The following HDAC3 variants were observed in gnomAD, a reference collection of about 807,000 sequenced individuals.
The protein encoded by HDAC3 is SMAP45.
A neutral mutation model predicts 62.3 loss-of-function variants in HDAC3; 21 were observed. The observed-to-expected ratio is 0.34, with a 90% confidence interval of 0.24 to 0.49. The LOEUF (loss-of-function observed/expected upper bound fraction) is 0.49. Among genes scored for constraint, HDAC3 ranks in the 20% least tolerant of loss-of-function variants. The pLI is 0.99. For missense variants in HDAC3, 270 were observed against 556.9 expected (o/e 0.48, Z 5.19); for synonymous variants, 198 against 206.5 (o/e 0.96, Z 0.35).
intron 3 of HDAC3, among the ~76,000 whole-genome samples, chr5:141,632,955 G>A (rs968529898): frequency 6.6e-6 from 1 of 152,158 alleles, no homozygotes; most frequent in Admixed American, 6.5e-5. Context: ...TTAAAAACCC[G>A]GGATCTGGAT....
chr5:141,630,737 A>G (rs1462097512), intron 3 of HDAC3, among the ~76,000 whole-genome samples: 2 of 152,216 alleles, frequency 1.3e-5, no homozygotes, highest in Non-Finnish European at 2.9e-5. Context: ...GGTAAAATAC[A>G]AGGACAGACA....
chr5:141,627,508 T>C (rs1243155360), intron 10 of HDAC3, among the ~76,000 whole-genome samples: 1 of 152,236 alleles, frequency 6.6e-6, no homozygotes, highest in Non-Finnish European at 1.5e-5. Context: ...TCCGAAACCA[T>C]GCTATCTCAA....
At position 141,636,644 on chromosome 5, in the gene HDAC3, G is replaced by A. The variant is rs1346314088; in HGVS notation, c.56-14C>T. ...GGTGTCCAGCTCCTGGGGGTGGGGA[G>A]AAGAGAGTTCGTCAGCTCTCACCCC... On this transcript the variant is annotated splice_polypyrimidine_tract_variant and intron_variant, in intron 1 of 14. Transcript: ENST00000305264. 1.2e-6 allele frequency: 2 copies of A among 1,613,886 alleles called. No individual in the cohort carries two copies. Among genetic ancestry groups the A allele is most frequent in the Admixed American group, 1.7e-5 (1 of 60,006 alleles).
rs752857449 is a variant in HDAC3 at position 141,636,823 on chromosome 5, C to T, written c.-33G>A. 2 of 1,479,576 alleles carry T rather than the reference C, an allele frequency of 1.4e-6. No individual in the cohort carries two copies. Among genetic ancestry groups the T allele is most frequent in the South Asian group, 2.9e-5 (2 of 69,310 alleles). The allele number at this position is 1,479,576 out of a possible 1,614,324, so 91.7% of individuals were successfully genotyped here. On this transcript the variant is annotated 5_prime_UTR_variant, in exon 1 of 15. Transcript: ENST00000305264. The stretch of plus-strand genomic sequence containing the variant: ...GCGGGAGCAGGCCCCGCACCTCCGC[C>T]GCCCGCCGCCCGCGGCCGCCGCCAG...
At position 141,625,110 on chromosome 5, in the gene HDAC3, C is replaced by A; in HGVS notation, c.1217+98G>T. The A allele has an allele frequency of 9.0e-7, 1 of 1,105,072 alleles. No homozygotes were observed. The highest frequency in any genetic ancestry group is 2.5e-5 in the East Asian group (1 of 39,674). 68.5% of individuals were successfully genotyped at this position (1,105,072 alleles called of 1,614,324 possible). A position where few individuals can be genotyped will look rare whatever the true frequency, so the allele number is the denominator to read the frequency against. ...ATTGTAGCAGACTAAAGGAGGTAAGCCAGAGGCAATTAAACTAATACCTTC... is the reference window on the plus strand; with the variant it reads ...ATTGTAGCAGACTAAAGGAGGTAAGACAGAGGCAATTAAACTAATACCTTC... On this transcript the variant is annotated intron_variant, in intron 14 of 14. Coordinates refer to ENST00000305264, the MANE Select transcript of HDAC3 (RefSeq NM_003883.4). This position sits in a 1 kb window ranked among gnomAD's most constrained non-coding sequence, Gnocchi z 4.0.
chr5:141,623,266 T>C (rs2099903961), intron 14 of HDAC3, among the ~76,000 whole-genome samples: 1 of 152,152 alleles, frequency 6.6e-6, no homozygotes, highest in Admixed American at 6.5e-5. Context: ...CTTAGTAGTG[T>C]CTGGTGCTTG....
Position 141,629,523 on chromosome 5 carries a change from A to G in HDAC3, c.476+161T>C, listed in dbSNP as rs1031569480. 1.1e-5 allele frequency: 10 copies of G among 894,066 alleles called. No individual in the cohort carries two copies. The highest frequency in any genetic ancestry group is 9.9e-5 in the African/African-American group (6 of 60,374). 55.4% of individuals were successfully genotyped at this position (894,066 alleles called of 1,614,324 possible). On this transcript the variant is annotated intron_variant, in intron 6 of 14. Coordinates refer to ENST00000305264, the MANE Select transcript of HDAC3 (RefSeq NM_003883.4). This position sits in a 1 kb window ranked among gnomAD's most constrained non-coding sequence, Gnocchi z 5.3. ...AGAGAAGGCTGAAATGTGAGCAGGC[A>G]GTAGGGAATCTGCAGCAGTGGAAGA... is the stretch of plus-strand genomic sequence containing the variant.
chr5:141,636,838 G>T lies in HDAC3; in HGVS notation c.-48C>A. 3 of 1,393,458 alleles carry T rather than the reference G, an allele frequency of 2.2e-6. No homozygotes were observed. Among genetic ancestry groups the T allele is most frequent in the Middle Eastern group, 2.0e-4 (1 of 5,104 alleles). 86.3% of individuals were successfully genotyped at this position (1,393,458 alleles called of 1,614,324 possible). On this transcript the variant is annotated 5_prime_UTR_variant, in exon 1 of 15. Transcript: ENST00000305264. ...GCACCTCCGCCGCCCGCCGCCCGCG[G>T]CCGCCGCCAGCCCCTCCCCGGCCGT... is the stretch of plus-strand genomic sequence containing the variant.
Position 141,624,823 on chromosome 5 carries a change from T to C in HDAC3, c.1217+385A>G, listed in dbSNP as rs142165826. 7.3e-3 allele frequency: 1,228 copies of C among 168,356 alleles called. 20 individuals are homozygous for C. Among genetic ancestry groups the C allele is most frequent in the African/African-American group, 0.028 (1,165 of 41,826 alleles). The allele number at this position is 168,356 out of a possible 1,614,324, so 10.4% of individuals were successfully genotyped here. The stretch of plus-strand genomic sequence containing the variant: ...AGCAGCATACGTAGAATGACCCTAT[T>C]TGTATTTACGAAAAACCAAAAACCA... On this transcript the variant is annotated intron_variant, in intron 14 of 14. Coordinates refer to ENST00000305264, the MANE Select transcript of HDAC3 (RefSeq NM_003883.4).
intron 14 of HDAC3, among the ~76,000 whole-genome samples, chr5:141,623,362 G>T (rs2099903969): frequency 6.6e-6 from 1 of 152,122 alleles, no homozygotes; most frequent in Admixed American, 6.6e-5. Flanking sequence ...AAGAAGAACA[G>T]AAACTCAGTG....
At chr5:141,627,067 A>C (rs1178145438) in intron 10 of HDAC3, among the ~76,000 whole-genome samples, 1 of 152,118 alleles carries the variant, frequency 6.6e-6, no homozygotes, top group Non-Finnish European at 1.5e-5. Context: ...ACCAGGGTTT[A>C]AAGGCTCTGC....
At position 141,625,711 on chromosome 5, in the gene HDAC3, G is replaced by A. The variant is rs1247961385; in HGVS notation, c.1033C>T (p.Arg345Cys). 2.5e-6 allele frequency: 4 copies of A among 1,614,124 alleles called. No individual in the cohort carries two copies. Among genetic ancestry groups the A allele is most frequent in the East Asian group, 2.2e-5 (1 of 44,884 alleles). ...TGGCGTGAGTTCTGATTCTCGATGC[G>A]GGTGCTGACATCTGGATGAAGTGTG... ...DFTLHPDVST[R>C]IENQNSRQYL... is the part of the protein sequence containing the mutation. The change falls in exon 13 of 15, where the codon CGC becomes TGC. Residue 345 changes from arginine to cysteine, a missense_variant. This residue lies in a region of HDAC3 where 156 missense variants were observed against 383.9 expected (regional missense o/e 0.41). Transcript: ENST00000305264. The surrounding 1 kb of genome is among the most constrained non-coding windows in gnomAD (Gnocchi z 4.0).
In HDAC3 at chr5:141,630,180, A is replaced by G. The variant is rs1011530041; in HGVS notation, c.282-55T>C. The G allele has an allele frequency of 1.2e-5, 18 of 1,496,538 alleles. No homozygotes were observed. The East Asian group carries it at 2.3e-4, about 19-fold the overall frequency. The allele number at this position is 1,496,538 out of a possible 1,614,324, so 92.7% of individuals were successfully genotyped here. A position where few individuals can be genotyped will look rare whatever the true frequency, so the allele number is the denominator to read the frequency against. ...TCCTGCCTCTGTCTGGGCCCTTCCCATATCTCCCTCCCCATCCTAGATTCC... is the reference window on the plus strand; with the variant it reads ...TCCTGCCTCTGTCTGGGCCCTTCCCGTATCTCCCTCCCCATCCTAGATTCC... On this transcript the variant is annotated intron_variant, in intron 3 of 14. Transcript: ENST00000305264.
In HDAC3 at chr5:141,628,458, A is replaced by C; in HGVS notation, c.691+101T>G. The C allele has an allele frequency of 1.0e-6, 1 of 968,094 alleles. No individual in the cohort carries two copies. The highest frequency in any genetic ancestry group is 1.7e-6 in the Non-Finnish European group (1 of 603,540). The allele number at this position is 968,094 out of a possible 1,614,324, so 60.0% of individuals were successfully genotyped here. On this transcript the variant is annotated intron_variant, in intron 8 of 14. Transcript: ENST00000305264. This position sits in a 1 kb window ranked among gnomAD's most constrained non-coding sequence, Gnocchi z 4.7. ...GTCCCTCTGAAGGCCATTCATCCTT[A>C]AGGACAACTGGCCCAACAGCAGACA...
At chr5:141,623,879 T>C (rs550026569) in intron 14 of HDAC3, among the ~76,000 whole-genome samples, 20 of 152,228 alleles carry the variant, frequency 1.3e-4, no homozygotes, top group African/African-American at 3.6e-4. Context: ...AGGAAATCTG[T>C]TCCCCATTAA....
chr5:141,627,782 A>T, intron 10 of HDAC3, 111 bp downstream of exon 10: 1 of 880,082 alleles, frequency 1.1e-6, no homozygotes, highest in East Asian at 2.4e-5. Context: ...ATTTGTAGCT[A>T]TTTTTGATTT....
At chr5:141,627,755 T>C in intron 10 of HDAC3, 138 bp downstream of exon 10, 1 of 755,836 alleles carries the variant, frequency 1.3e-6, no homozygotes. Flanking sequence ...CAAGATGACA[T>C]TTCTAGTTCA....
At chr5:141,634,301 C>A (rs1315569063) in intron 3 of HDAC3, among the ~76,000 whole-genome samples, 3 of 152,114 alleles carry the variant, frequency 2.0e-5, no homozygotes, top group Admixed American at 2.0e-4. Flanking sequence ...CAGTTCACCT[C>A]CTCTTCATAC....
Position 141,629,309 on chromosome 5 carries a change from A to G in HDAC3, c.477-3T>C. The G allele has an allele frequency of 6.2e-7, 1 of 1,614,120 alleles. No individual in the cohort carries two copies. Among genetic ancestry groups the G allele is most frequent in the Non-Finnish European group, 8.5e-7 (1 of 1,180,006 alleles). ...TGTAGAGCACCCGAGGGTGGTACCT[A>G]GAGGGAAGCCAAAGCCAGGGTCTGA... On this transcript the variant is annotated splice_polypyrimidine_tract_variant and splice_region_variant and intron_variant, in intron 6 of 14. Transcript: ENST00000305264. This position sits in a 1 kb window ranked among gnomAD's most constrained non-coding sequence, Gnocchi z 5.3.
Sources: gnomAD v4.1 joint callset for allele counts (sites outside exome capture counted in the v4.1 genomes callset) on GRCh38, gnomAD v4.1.1 for gene constraint, gnomAD v4.1.1 regional missense constraint, Gnocchi (gnomAD v3.1) non-coding constraint, MANE v1.5 for transcripts, NCBI Gene and HGNC (gene_info 2026-07-23, HGNC 2026-07-21) for gene names.